The following RNF111 variants were observed in gnomAD, a reference collection of about 807,000 sequenced individuals.
The protein encoded by RNF111 is ring finger protein 111, also known as E3 ubiquitin-protein ligase Arkadia.
RNF111 carries 17 observed loss-of-function variants against 95.1 expected under a neutral mutation model. The ratio of observed to expected loss-of-function variants is 0.18; its 90% CI spans 0.12 to 0.27. RNF111 has a LOEUF of 0.27. Ranked by LOEUF, RNF111 falls within the 10% of genes least tolerant of loss-of-function variation. RNF111 has a pLI of 1.00. For synonymous variants in RNF111, 440 were observed against 414.8 expected (o/e 1.06, Z -0.74); for missense variants, 1,189 against 1,210.4 (o/e 0.98, Z 0.26).
At chr15:59,073,928 G>A (rs760614378) in intron 6 of RNF111, among the ~76,000 whole-genome samples, 1 of 152,330 alleles carries the variant, frequency 6.6e-6, no homozygotes, top group East Asian at 1.9e-4. Context: ...TGTTAGGTAT[G>A]AAAACATTAA....
At chr15:59,031,969 C>G (rs921951341) in intron 2 of RNF111, among the ~76,000 whole-genome samples, 12 of 152,024 alleles carry the variant, frequency 7.9e-5, no homozygotes, top group African/African-American at 2.9e-4. Flanking sequence ...AACAGAGTCT[C>G]ACTTTGTCAC....
intron 6 of RNF111, among the ~76,000 whole-genome samples, chr15:59,070,334 T>C (rs1339339700): frequency 3.9e-5 from 6 of 152,112 alleles, no homozygotes; most frequent in African/African-American, 1.4e-4. Context: ...TTATTTTCCC[T>C]TTATTCTTTA....
intron 2 of RNF111, among the ~76,000 whole-genome samples, chr15:59,040,295 T>C (rs1304815951): frequency 6.6e-6 from 1 of 151,964 alleles, no homozygotes; most frequent in Non-Finnish European, 1.5e-5. Context: ...TTAAATTATA[T>C]TTTAATTTTT....
chr15:59,004,214 TC>T, intron 1 of RNF111: 1 of 797,434 alleles, frequency 1.3e-6, no homozygotes, highest in South Asian at 2.3e-5. Flanking sequence ...TTAACAAGCT[TC>T]AATTTAAAAT....
chr15:59,039,621 C>T (rs979324178), intron 2 of RNF111, among the ~76,000 whole-genome samples: 2 of 152,106 alleles, frequency 1.3e-5, no homozygotes, highest in Non-Finnish European at 1.5e-5. Flanking sequence ...TCCTAGTAGT[C>T]GTTGATAACT....
At chr15:59,059,194 G>A (rs1382548037) in intron 5 of RNF111, among the ~76,000 whole-genome samples, 4 of 152,110 alleles carry the variant, frequency 2.6e-5, no homozygotes, top group African/African-American at 9.7e-5. Context: ...ATTTTAAAAT[G>A]AGAAAAGATT....
intron 1 of RNF111, among the ~76,000 whole-genome samples, chr15:58,998,666 GTTCAC>G (rs1186003891): frequency 6.6e-6 from 1 of 152,138 alleles, no homozygotes; most frequent in African/African-American, 2.4e-5. Context: ...GAAGTGAGCC[GTTCAC>G]TTCAAGAAAA....
At position 59,080,973 on chromosome 15, in the gene RNF111, T is replaced by C; in HGVS notation, c.1986T>C (p.Ser662=). ...CAAGGCCACTTCATCATCAAGCTTC[T>C]GCCTGCCCGCATTCTCATGGAAACC... The part of the protein sequence containing the change: ...SLTRPLHHQA[S]ACPHSHGNPP... The change falls in exon 8 of 14, where the codon TCT becomes TCC. Residue 662 remains serine, a synonymous_variant. Transcript: ENST00000348370. The C allele has an allele frequency of 6.2e-7, 1 of 1,613,830 alleles. No homozygotes were observed. Among genetic ancestry groups the C allele is most frequent in the South Asian group, 1.1e-5 (1 of 91,014 alleles).
intron 2 of RNF111, among the ~76,000 whole-genome samples, chr15:59,048,597 C>T (rs1015189346): frequency 6.6e-6 from 1 of 152,040 alleles, no homozygotes; most frequent in Non-Finnish European, 1.5e-5. Context: ...AATTTTTTTA[C>T]ACTCATTATG....
chr15:59,030,743 C>A, intron 1 of RNF111, 61 bp from the exon 2 acceptor site: 2 of 1,194,118 alleles, frequency 1.7e-6, no homozygotes, highest in Admixed American at 2.6e-5. Flanking sequence ...GAGAACTCTT[C>A]AATTAAATAG....
At chr15:59,081,573 C>G (rs755986990) in intron 8 of RNF111, among the ~76,000 whole-genome samples, 7 of 151,988 alleles carry the variant, frequency 4.6e-5, no homozygotes, top group Non-Finnish European at 8.8e-5. Context: ...TAACTTGTAA[C>G]TATAAGCTGG....
chr15:59,063,568 A>G (rs1180256561), intron 5 of RNF111, among the ~76,000 whole-genome samples: 1 of 152,172 alleles, frequency 6.6e-6, no homozygotes, highest in Non-Finnish European at 1.5e-5. Flanking sequence ...ACTGAATCAT[A>G]TATCTCTGTA....
chr15:59,078,856 C>G (rs1463950362), intron 7 of RNF111, among the ~76,000 whole-genome samples: 1 of 138,446 alleles, frequency 7.2e-6, no homozygotes, highest in Non-Finnish European at 1.5e-5. Context: ...GAGTCTCCCT[C>G]TCAAAAGAAG....
intron 2 of RNF111, among the ~76,000 whole-genome samples, chr15:59,048,272 TA>T (rs2041808976): frequency 1.3e-5 from 2 of 151,970 alleles, no homozygotes; most frequent in Non-Finnish European, 2.9e-5. Flanking sequence ...TACTCAGCAA[TA>T]AAAAAAGTAT....
chr15:59,085,781 T>C lies in RNF111; in HGVS notation c.2546T>C (p.Leu849Ser). 1 of 1,611,596 alleles carries C rather than the reference T, an allele frequency of 6.2e-7. No individual in the cohort carries two copies. The highest frequency in any genetic ancestry group is 8.5e-7 in the Non-Finnish European group (1 of 1,178,854). Residue 849 changes from leucine (L) to serine (S), a missense_variant, in exon 10 of 14, where the codon TTA (leucine) becomes TCA (serine). By Grantham distance (145) the Leu-to-Ser change is moderately radical. Around this residue, in one of 2 missense-constraint regions of RNF111, gnomAD observed 165 missense variants for 284.6 expected, o/e 0.58. Coordinates refer to ENST00000348370, the MANE Select transcript of RNF111 (RefSeq NM_017610.8). ...LHHLQLGALP[L>S]MVPDMAGYPH... Reference sequence around the variant, plus strand: ...CACTTACAATTAGGAGCTCTTCCTTTAATGGTAAAATGGAAAATTTTCAAA... The same window carrying C: ...CACTTACAATTAGGAGCTCTTCCTTCAATGGTAAAATGGAAAATTTTCAAA...
chr15:59,063,820 A>G (rs757813513), intron 5 of RNF111, among the ~76,000 whole-genome samples: 11 of 152,314 alleles, frequency 7.2e-5, no homozygotes, highest in Middle Eastern at 3.4e-3. Flanking sequence ...GTAATCCTCA[A>G]ATAACTTGGT....
At chr15:59,082,600 G>A (rs1241541966) in intron 8 of RNF111, among the ~76,000 whole-genome samples, 4 of 152,122 alleles carry the variant, frequency 2.6e-5, no homozygotes, top group African/African-American at 9.7e-5. Flanking sequence ...GAAAACAGCT[G>A]CAGTTTTTCA....
intron 1 of RNF111, among the ~76,000 whole-genome samples, chr15:58,988,911 T>G (rs529252267): frequency 6.6e-6 from 1 of 152,348 alleles, no homozygotes; most frequent in East Asian, 1.9e-4. Context: ...TAGGATTTCC[T>G]GTAGCTTTTG....
intron 1 of RNF111, among the ~76,000 whole-genome samples, chr15:58,992,310 G>T (rs540777497): frequency 5.6e-4 from 86 of 152,238 alleles, no homozygotes; most frequent in Non-Finnish European, 9.6e-4. Flanking sequence ...CTCCCAAAGT[G>T]CTGGGATTAC....
Sources: gnomAD v4.1 joint callset for allele counts (sites outside exome capture counted in the v4.1 genomes callset) on GRCh38, gnomAD v4.1.1 for gene constraint, gnomAD v4.1.1 regional missense constraint, MANE v1.5 for transcripts, NCBI Gene and HGNC (gene_info 2026-07-23, HGNC 2026-07-21) for gene names.